The following MYOM3 variants were observed in gnomAD, a reference collection of about 807,000 sequenced individuals.
MYOM3 encodes myomesin 3.
Under a neutral mutation model 191.7 loss-of-function variants are expected in MYOM3, and 155 were observed. The observed-to-expected ratio is 0.81, with a 90% CI of 0.71 to 0.92. The LOEUF is 0.92. MYOM3 is among the 40% of genes least tolerant of loss of function. The pLI, the probability that MYOM3 is intolerant of heterozygous loss-of-function variation, is 0.00. For synonymous variants in MYOM3, 757 were observed against 762.9 expected (o/e 0.99, Z 0.13); for missense variants, 1,889 against 1,890.6 (o/e 1.00, Z 0.02).
At chr1:24,084,996 A>C (rs558813317) in intron 15 of MYOM3, among the ~76,000 whole-genome samples, 1 of 152,070 alleles carries the variant, frequency 6.6e-6, no homozygotes, top group Admixed American at 6.6e-5. Flanking sequence ...TTCTCTACTG[A>C]TTTTCATGGC....
At position 24,064,133 on chromosome 1, in the gene MYOM3, G is replaced by A; in HGVS notation, c.3561C>T (p.Tyr1187=). ...CTCGATCGTCAGAAACCATCGCTCT[G>A]TAAATTCCCTTGTCCTTTTTGGACA... ...EELSKKDKGI[Y]RAMVSDDRGE... is the part of the protein sequence containing the mutation. The change falls in exon 30 of 37, where the codon TAC becomes TAT. Residue 1187 remains tyrosine (Y), a synonymous_variant. Coordinates refer to ENST00000374434, the MANE Select transcript of MYOM3 (RefSeq NM_152372.4). The A allele has an allele frequency of 6.2e-7, 1 of 1,613,966 alleles. No homozygotes were observed. Among genetic ancestry groups the A allele is most frequent in the Middle Eastern group, 1.7e-4 (1 of 6,060 alleles).
At chr1:24,065,843 C>T in intron 29 of MYOM3, 48 bp downstream of exon 29, 1 of 1,432,022 alleles carries the variant, frequency 7.0e-7, no homozygotes, top group Non-Finnish European at 9.9e-7. Flanking sequence ...CCCTCCCTGG[C>T]TTGCAGCCAA....
Position 24,090,807 on chromosome 1 carries a change from C to G in MYOM3, c.1422G>C (p.Arg474=), listed in dbSNP as rs1205013830. The G allele has an allele frequency of 6.2e-7, 1 of 1,614,142 alleles. No individual in the cohort carries two copies. Among genetic ancestry groups the G allele is most frequent in the Non-Finnish European group, 8.5e-7 (1 of 1,180,030 alleles). ...LVVMGDHDAA[R]RKTEIPFDLG... is the part of the protein sequence containing the mutation. The stretch of plus-strand genomic sequence containing the variant: ...GACCTCTGTACCCACCTGTCTTCCT[C>G]CGGGCTGCATCATGGTCACCCATGA... The change falls in exon 12 of 37, where the codon CGG becomes CGC. Residue 474 remains arginine, a synonymous_variant. Transcript: ENST00000374434.
At chr1:24,109,254 A>G (rs1316746032) in intron 1 of MYOM3, among the ~76,000 whole-genome samples, 1 of 152,198 alleles carries the variant, frequency 6.6e-6, no homozygotes, top group Non-Finnish European at 1.5e-5. Flanking sequence ...ACAGGGTGTG[A>G]TCCCAGCTCC....
rs748527519 is a variant in MYOM3 at position 24,063,709 on chromosome 1, T to C, written c.3623-179A>G. The stretch of plus-strand genomic sequence containing the variant: ...GGAGGGGGTTCAGGGCACTCAGCAA[T>C]GGGGTGGGCAGAAGGGCACTATGGA... On this transcript the variant is annotated intron_variant, in intron 30 of 36. Coordinates refer to ENST00000374434, the MANE Select transcript of MYOM3 (RefSeq NM_152372.4). This position sits in a 1 kb window ranked among gnomAD's most constrained non-coding sequence, Gnocchi z 4.5. 6.6e-6 allele frequency among the ~76,000 whole-genome samples: 1 copy of C among 151,774 alleles called. No individual in the cohort carries two copies. Among genetic ancestry groups the C allele is most frequent in the Non-Finnish European group, 1.5e-5 (1 of 67,934 alleles).
chr1:24,069,085 A>G (rs4649171), intron 25 of MYOM3, among the ~76,000 whole-genome samples: 37,471 of 151,254 alleles, frequency 0.25, 4,976 homozygotes, highest in Admixed American at 0.32. Context: ...AGGATAATGG[A>G]AAAAAAAATA....
intron 23 of MYOM3, among the ~76,000 whole-genome samples, chr1:24,073,450 C>T (rs11805882): frequency 6.6e-6 from 1 of 152,160 alleles, no homozygotes; most frequent in South Asian, 2.1e-4. Flanking sequence ...CCAGCGCTCC[C>T]TATTGTCACC....
chr1:24,090,909 A>C lies in MYOM3; in HGVS notation c.1320T>G (p.Gly440=), dbSNP rs1570877983. Reference sequence around the variant, plus strand: ...CTCTCACCCGGAACCGATAGCTCTGACCTTCGACGAGGCCTTGGATTGGGC... The same window carrying C: ...CTCTCACCCGGAACCGATAGCTCTGCCCTTCGACGAGGCCTTGGATTGGGC... ...CRCPIQGLVE[G]QSYRFRVRAI... is the part of the protein sequence containing the mutation. The change falls in exon 12 of 37, where the codon GGT becomes GGG. Residue 440 remains glycine, a synonymous_variant. Transcript: ENST00000374434. The C allele has an allele frequency of 4.3e-6, 7 of 1,613,880 alleles. No individual in the cohort carries two copies. The highest frequency in any genetic ancestry group is 5.1e-6 in the Non-Finnish European group (6 of 1,179,892).
In MYOM3 at chr1:24,084,549, A is replaced by G. The variant is rs1450163184; in HGVS notation, c.1889T>C (p.Leu630Pro). ...LTWDPVKDPE[L>P]LGYYIYSRKV... ...CCGGGAGTAGATGTAATAACCCAGG[A>G]GCTCTGGGTCTTTCACAGGATCCCA... Residue 630 changes from leucine to proline, a missense_variant, in exon 16 of 37, where the codon CTC becomes CCC. Physicochemically the swap from Leu to Pro is moderately conservative, Grantham distance 98. Transcript: ENST00000374434. 1 of 1,613,882 alleles carries G rather than the reference A, an allele frequency of 6.2e-7. No individual in the cohort carries two copies. The highest frequency in any genetic ancestry group is 1.7e-5 in the Admixed American group (1 of 60,024).
chr1:24,103,904 C>A (rs905354918), intron 5 of MYOM3, among the ~76,000 whole-genome samples: 1 of 151,672 alleles, frequency 6.6e-6, no homozygotes, highest in Non-Finnish European at 1.5e-5. Flanking sequence ...GGTTGGTGCA[C>A]CTAAATAATT....
intron 5 of MYOM3, 87 bp downstream of exon 5, chr1:24,105,833 A>G: frequency 7.4e-7 from 1 of 1,352,758 alleles, no homozygotes; most frequent in East Asian, 2.4e-5. Flanking sequence ...CAGGTCTGCA[A>G]CAAGAAGTCC....
chr1:24,057,768 G>C (rs1444053614), intron 36 of MYOM3, 141 bp from the exon 37 acceptor site: 6 of 660,926 alleles, frequency 9.1e-6, no homozygotes, highest in Non-Finnish European at 1.3e-5. Context: ...AATTTATAAA[G>C]GGGAGAGATT....
intron 36 of MYOM3, 91 bp from the exon 37 acceptor site, chr1:24,057,718 G>A (rs1338793162): frequency 2.6e-6 from 3 of 1,142,668 alleles, no homozygotes; most frequent in Non-Finnish European, 3.8e-6. Flanking sequence ...TCCCAGCTCA[G>A]GTTGCTCCCT....
chr1:24,068,469 G>C lies in MYOM3; in HGVS notation c.3151-102C>G, dbSNP rs147602972. 3.8e-4 allele frequency: 547 copies of C among 1,423,822 alleles called. 4 individuals carry two copies. The East Asian group carries it at 0.012, about 31-fold the overall frequency. 88.2% of individuals were successfully genotyped at this position (1,423,822 alleles called of 1,614,324 possible). Reference sequence around the variant, plus strand: ...GCTTGGGGGTGGTAAGCACAGAGCTGTCAGCCTTCAGAGACTGGGGCTGGC... The same window carrying C: ...GCTTGGGGGTGGTAAGCACAGAGCTCTCAGCCTTCAGAGACTGGGGCTGGC... On this transcript the variant is annotated intron_variant, in intron 25 of 36. Transcript: ENST00000374434.
chr1:24,110,405 T>G (rs1160977078), intron 1 of MYOM3, among the ~76,000 whole-genome samples: 1 of 152,134 alleles, frequency 6.6e-6, no homozygotes, highest in Non-Finnish European at 1.5e-5. Context: ...GGCTGTCTTC[T>G]GCCTGGATGT....
Position 24,064,849 on chromosome 1 carries a change from C to T in MYOM3, c.3535-690G>A, listed in dbSNP as rs75044327. ...AACCTGAGGATTGAGGTGCTGAGCCCCAAAAGTCCTCTCTTATGTCCTCAC... is the reference window on the plus strand; with the variant it reads ...AACCTGAGGATTGAGGTGCTGAGCCTCAAAAGTCCTCTCTTATGTCCTCAC... On this transcript the variant is annotated intron_variant, in intron 29 of 36. Coordinates refer to ENST00000374434, the MANE Select transcript of MYOM3 (RefSeq NM_152372.4). Among the ~76,000 whole-genome samples, 361 of 152,266 alleles carry T rather than the reference C, an allele frequency of 2.4e-3. 12 individuals are homozygous for T. The East Asian group carries it at 0.066, about 28-fold the overall frequency.
chr1:24,099,644 C>G (rs368143720), intron 6 of MYOM3, 36 bp downstream of exon 6: 5 of 1,544,024 alleles, frequency 3.2e-6, no homozygotes, highest in Non-Finnish European at 4.5e-6. Flanking sequence ...GTGGCAGGGT[C>G]TGGGGTCATA....
chr1:24,074,380 A>ACTT, intron 22 of MYOM3, 111 bp from the exon 23 acceptor site: 1 of 725,442 alleles, frequency 1.4e-6, no homozygotes, highest in Non-Finnish European at 2.3e-6. Context: ...TACCCCAAGC[A>ACTT]GACCCTGGCC....
Position 24,063,612 on chromosome 1 carries a change from G to A in MYOM3, c.3623-82C>T. The A allele has an allele frequency of 2.6e-6, 4 of 1,531,728 alleles. No individual in the cohort carries two copies. Among genetic ancestry groups the A allele is most frequent in the Non-Finnish European group, 3.6e-6 (4 of 1,109,516 alleles). 94.9% of individuals were successfully genotyped at this position (1,531,728 alleles called of 1,614,324 possible). A position where few individuals can be genotyped will look rare whatever the true frequency, so the allele number is the denominator to read the frequency against. On this transcript the variant is annotated intron_variant, in intron 30 of 36. Transcript: ENST00000374434. The surrounding 1 kb of genome is among the most constrained non-coding windows in gnomAD (Gnocchi z 4.5). ...AGGAGTGGGGACATCCTAGAAAAAG[G>A]CTGGTGGAGCCCGTGAGCTGCTCTC...
Sources: allele counts gnomAD v4.1 joint callset (sites outside exome capture counted in the v4.1 genomes callset), GRCh38; gene constraint gnomAD v4.1.1; non-coding constraint Gnocchi (gnomAD v3.1); transcripts MANE v1.5; gene names NCBI Gene and HGNC (gene_info 2026-07-23, HGNC 2026-07-21).